MYOCD: variants seen among roughly 807,000 people sequenced by gnomAD.
MYOCD encodes myocardin.
A neutral mutation model predicts 96.1 loss-of-function variants in MYOCD; 32 were observed. That is an observed-to-expected ratio of 0.33 (90% CI 0.25 to 0.45). The LOEUF (loss-of-function observed/expected upper bound fraction) is 0.45. Ranked by LOEUF, MYOCD falls within the 20% of genes least tolerant of loss-of-function variation. The pLI, the probability that MYOCD is intolerant of heterozygous loss-of-function variation, is 1.00. For missense variants in MYOCD, 1,133 were observed against 1,200.6 expected, an observed-to-expected ratio of 0.94 and a Z score of 0.83; for synonymous variants, 469 against 469.0, an observed-to-expected ratio of 1.00 and a Z score of 0.00.
At chr17:12,739,128 A>G (rs1739486287) in intron 6 of MYOCD, 75 bp from the exon 7 acceptor site, 1 of 1,510,926 alleles carries the variant, frequency 6.6e-7, no homozygotes, top group Admixed American at 2.0e-5. Flanking sequence ...AGAGGTATAT[A>G]TACGGACTCT....
intron 6 of MYOCD, among the ~76,000 whole-genome samples, chr17:12,737,033 T>C (rs1597794318): frequency 6.6e-6 from 1 of 152,140 alleles, no homozygotes; most frequent in African/African-American, 2.4e-5. Flanking sequence ...GGCGGGCGGA[T>C]CACCTGAGAT....
chr17:12,743,637 C>A (rs555617714), intron 7 of MYOCD, among the ~76,000 whole-genome samples: 1 of 151,688 alleles, frequency 6.6e-6, no homozygotes, highest in African/African-American at 2.4e-5. Context: ...GGATTACAGG[C>A]GCCTGACACC....
chr17:12,670,770 G>A (rs1909665587), intron 1 of MYOCD, among the ~76,000 whole-genome samples: 1 of 152,098 alleles, frequency 6.6e-6, no homozygotes, highest in South Asian at 2.1e-4. Flanking sequence ...CAAGGGAATG[G>A]CCCTAAATAT....
At position 12,731,005 on chromosome 17, in the gene MYOCD, C is replaced by A. The variant is rs371291399; in HGVS notation, c.416-5156C>A. The stretch of plus-strand genomic sequence containing the variant: ...AGAGGAGAGGCTCCGAGTCACCAGC[C>A]CAAGATCCCCAAGGGGCCAGTGCCC... On this transcript the variant is annotated intron_variant, in intron 5 of 13. Coordinates refer to ENST00000425538, the MANE Select transcript of MYOCD (RefSeq NM_001146312.3). Among the ~76,000 whole-genome samples, 21 of 152,334 alleles carry A rather than the reference C, an allele frequency of 1.4e-4. No homozygotes were observed. The South Asian group carries it at 4.3e-3, about 32-fold the overall frequency.
At chr17:12,700,097 G>C (rs189870093) in intron 1 of MYOCD, among the ~76,000 whole-genome samples, 2,347 of 151,646 alleles carry the variant, frequency 0.015, 31 homozygotes, top group Non-Finnish European at 0.024. Flanking sequence ...TTTTAGTAGA[G>C]ACGGGGTTTT....
At chr17:12,694,881 CAA>C (rs201215491) in intron 1 of MYOCD, among the ~76,000 whole-genome samples, 10 of 69,646 alleles carry the variant, frequency 1.4e-4, no homozygotes, top group African/African-American at 4.0e-4. Context: ...AAGGAATAAC[CAA>C]AAAAAAAAAA....
Position 12,756,467 on chromosome 17 carries a change from C to T in MYOCD, c.2112C>T (p.Ser704=), listed in dbSNP as rs1022837827. ...HPPSFSPHSS[S]LHPPFSGAQA... ...CAAGCTTCTCTCCCCATTCTTCCAG[C>T]CTCCACCCGCCCTTCTCTGGAGCCC... The change falls in exon 11 of 14, where the codon AGC becomes AGT. Residue 704 remains serine (S), a synonymous_variant. Coordinates refer to ENST00000425538, the MANE Select transcript of MYOCD (RefSeq NM_001146312.3). 3 of 1,552,100 alleles carry T rather than the reference C, an allele frequency of 1.9e-6. No individual in the cohort carries two copies. Among genetic ancestry groups the T allele is most frequent in the Non-Finnish European group, 2.6e-6 (3 of 1,147,104 alleles).
intron 1 of MYOCD, among the ~76,000 whole-genome samples, chr17:12,670,150 G>C (rs374821952): frequency 1.3e-5 from 2 of 152,062 alleles, no homozygotes; most frequent in Non-Finnish European, 2.9e-5. Flanking sequence ...AGGCTCCAGA[G>C]GTTGGAGCTG....
rs368661175 is a variant in MYOCD, at chr17:12,767,421, C to T, written c.*3777C>T. On this transcript the variant is annotated 3_prime_UTR_variant, in exon 14 of 14. Transcript: ENST00000425538. ...CTGGTCTGGCTGAAAACTCCCACAA[C>T]AAATTTACTCATCCAGTGGCTAATA... The T allele has an allele frequency of 6.6e-6, 1 of 152,212 alleles. No individual in the cohort carries two copies. The highest frequency in any genetic ancestry group is 1.5e-5 in the Non-Finnish European group (1 of 68,036). The allele number at this position is 152,212 out of a possible 1,614,324, so 9.4% of individuals were successfully genotyped here.
chr17:12,694,631 AC>A (rs1434493348), intron 1 of MYOCD, among the ~76,000 whole-genome samples: 2 of 152,144 alleles, frequency 1.3e-5, no homozygotes, highest in East Asian at 3.9e-4. Context: ...GAAATGGGCA[AC>A]CTGGTCATAC....
chr17:12,757,893 G>T, intron 11 of MYOCD, among the ~76,000 whole-genome samples, 192 bp from the exon 12 acceptor site: 1 of 152,150 alleles, frequency 6.6e-6, no homozygotes, highest in Non-Finnish European at 1.5e-5. Flanking sequence ...GCCATTCTAA[G>T]ACGCCACCAC....
intron 10 of MYOCD, among the ~76,000 whole-genome samples, chr17:12,755,385 C>T (rs568922532): frequency 3.9e-5 from 6 of 152,064 alleles, no homozygotes; most frequent in South Asian, 2.1e-4. Flanking sequence ...CCGAGGTGGG[C>T]GGATCACAAG....
intron 1 of MYOCD, among the ~76,000 whole-genome samples, chr17:12,680,034 A>G (rs1215125456): frequency 6.6e-6 from 1 of 152,250 alleles, no homozygotes; most frequent in African/African-American, 2.4e-5. Flanking sequence ...CAGAAAAGGC[A>G]ATACATGCTT....
chr17:12,669,812 G>A (rs1231035822), intron 1 of MYOCD, among the ~76,000 whole-genome samples: 1 of 152,102 alleles, frequency 6.6e-6, no homozygotes, highest in Non-Finnish European at 1.5e-5. Context: ...TAGAGACAGG[G>A]TTTCACCATG....
At chr17:12,678,482 C>T (rs2150636479) in intron 1 of MYOCD, among the ~76,000 whole-genome samples, 1 of 151,852 alleles carries the variant, frequency 6.6e-6, no homozygotes, top group East Asian at 2.0e-4. Flanking sequence ...ATGGCTGAGC[C>T]CAGATCCTCT....
intron 1 of MYOCD, among the ~76,000 whole-genome samples, chr17:12,677,575 G>C (rs1169307890): frequency 6.6e-6 from 1 of 151,842 alleles, no homozygotes; most frequent in Admixed American, 6.6e-5. Context: ...AGCCGGGCAT[G>C]GTGGCGGGCA....
Position 12,763,093 on chromosome 17 carries a change from G to C in MYOCD, c.2410G>C (p.Glu804Gln), listed in dbSNP as rs762289466. ...ESGEMPADAR[E>Q]DHSCLQKVPK... ...CACAGAAATGCCAGCAGACGCTAGAGAGGATCACTCATGTCTTCAAAAAGT... is the reference window on the plus strand; with the variant it reads ...CACAGAAATGCCAGCAGACGCTAGACAGGATCACTCATGTCTTCAAAAAGT... The change falls in exon 14 of 14, where the codon GAG becomes CAG. Residue 804 changes from glutamate to glutamine, a missense_variant. Coordinates refer to ENST00000425538, the MANE Select transcript of MYOCD (RefSeq NM_001146312.3). 4 of 1,612,494 alleles carry C rather than the reference G, an allele frequency of 2.5e-6. No individual in the cohort carries two copies. In the South Asian group the frequency reaches 4.4e-5, roughly 18 times the overall value.
intron 1 of MYOCD, among the ~76,000 whole-genome samples, chr17:12,695,994 A>T (rs2030729084): frequency 6.6e-6 from 1 of 152,078 alleles, no homozygotes; most frequent in African/African-American, 2.4e-5. Flanking sequence ...TTCAAGTTTC[A>T]TCCATGTCGT....
In MYOCD at chr17:12,763,219, C is replaced by T. The variant is rs2033235479; in HGVS notation, c.2536C>T (p.Pro846Ser). The T allele has an allele frequency of 6.2e-7, 1 of 1,614,142 alleles. No individual in the cohort carries two copies. The highest frequency in any genetic ancestry group is 8.5e-7 in the Non-Finnish European group (1 of 1,180,022). Residue 846 changes from proline to serine, a missense_variant, in exon 14 of 14, where the codon CCC becomes TCC. Physicochemically the swap from Pro to Ser is moderately conservative, Grantham distance 74 (BLOSUM62 -1). Coordinates refer to ENST00000425538, the MANE Select transcript of MYOCD (RefSeq NM_001146312.3). The stretch of plus-strand genomic sequence containing the variant: ...TTCAGGCAGCCAGATCCCCTTTGAT[C>T]CCTATGCCACCGACAGTGATGAGCA... Reference protein sequence around the residue: ...ASSGSQIPFDPYATDSDEHLE... With the variant: ...ASSGSQIPFDSYATDSDEHLE...
Sources: allele counts gnomAD v4.1 joint callset (sites outside exome capture counted in the v4.1 genomes callset), GRCh38; gene constraint gnomAD v4.1.1; transcripts MANE v1.5; gene names NCBI Gene and HGNC (gene_info 2026-07-23, HGNC 2026-07-21).